ASH1L: variants seen among roughly 807,000 people sequenced by gnomAD.
ASH1L encodes the protein ASH1 like histone lysine methyltransferase.
In ASH1L, 23 loss-of-function variants were observed where a neutral mutation model predicts 269.0. The ratio of observed to expected loss-of-function variants is 0.09; its 90% confidence interval spans 0.06 to 0.12. The LOEUF is 0.12. ASH1L is among the 10% of genes least tolerant of loss of function. The pLI, the probability that ASH1L is intolerant of heterozygous loss-of-function variation, is 1.00. For missense variants in ASH1L, 2,912 were observed against 3,567.8 expected (o/e 0.82, Z 4.68); for synonymous variants, 1,187 against 1,253.5 (o/e 0.95, Z 1.12).
intron 2 of ASH1L, among the ~76,000 whole-genome samples, chr1:155,490,652 A>T (rs1368753137): frequency 6.6e-6 from 1 of 151,094 alleles, no homozygotes; most frequent in African/African-American, 2.4e-5. Context: ...ACATACACAC[A>T]CACTCTCTCT....
chr1:155,487,357 T>C (rs531452491), intron 2 of ASH1L, among the ~76,000 whole-genome samples: 4 of 152,212 alleles, frequency 2.6e-5, no homozygotes, highest in African/African-American at 7.2e-5. Context: ...GGGTTCTTAC[T>C]GGGTGCTAGC....
chr1:155,341,459 A>C (rs1308399230), intron 25 of ASH1L, among the ~76,000 whole-genome samples: 2 of 152,210 alleles, frequency 1.3e-5, no homozygotes, highest in African/African-American at 4.8e-5. Flanking sequence ...TACAGGCGTG[A>C]GCCACCGCGC....
intron 1 of ASH1L, among the ~76,000 whole-genome samples, chr1:155,550,613 G>C (rs115296511): frequency 6.6e-6 from 1 of 152,062 alleles, no homozygotes; most frequent in Non-Finnish European, 1.5e-5. Context: ...TATAATTCAG[G>C]TATCTCCTGA....
At chr1:155,473,018 T>A (rs1665225049) in intron 3 of ASH1L, among the ~76,000 whole-genome samples, 1 of 152,338 alleles carries the variant, frequency 6.6e-6, no homozygotes, top group African/African-American at 2.4e-5. Context: ...TGTTTTGTTA[T>A]TGTATGTGTT....
chr1:155,347,531 C>T, intron 20 of ASH1L, 125 bp downstream of exon 20: 1 of 1,258,510 alleles, frequency 7.9e-7, no homozygotes. Context: ...CTAACAGAAA[C>T]CAAGGCTAAG....
intron 6 of ASH1L, among the ~76,000 whole-genome samples, chr1:155,409,793 T>C (rs1659614986): frequency 1.3e-5 from 2 of 152,082 alleles, no homozygotes; most frequent in South Asian, 4.2e-4. Context: ...TAAACCTAAA[T>C]TTAATCATGA....
At chr1:155,346,753 T>C (rs970206017) in intron 20 of ASH1L, among the ~76,000 whole-genome samples, 5 of 152,234 alleles carry the variant, frequency 3.3e-5, no homozygotes, top group African/African-American at 1.2e-4. Context: ...ACTGAACTAT[T>C]ACTAAGTAAT....
chr1:155,523,049 T>A (rs1265873474), intron 1 of ASH1L, among the ~76,000 whole-genome samples: 1 of 152,190 alleles, frequency 6.6e-6, no homozygotes, highest in African/African-American at 2.4e-5. Context: ...TCTTGAAGAC[T>A]GACAGACTAG....
At chr1:155,543,382 G>A (rs1213793668) in intron 1 of ASH1L, among the ~76,000 whole-genome samples, 1 of 151,374 alleles carries the variant, frequency 6.6e-6, no homozygotes, top group Non-Finnish European at 1.5e-5. Context: ...ATGGTGGCAG[G>A]TGCCTGTCGT....
intron 4 of ASH1L, among the ~76,000 whole-genome samples, chr1:155,444,839 G>A (rs944960632): frequency 2.8e-5 from 4 of 140,820 alleles, no homozygotes; most frequent in Middle Eastern, 3.4e-3. Flanking sequence ...GGATGGTCTC[G>A]ATCTCTTGAC....
chr1:155,445,889 C>A (rs1558114920), intron 4 of ASH1L, among the ~76,000 whole-genome samples: 1 of 151,228 alleles, frequency 6.6e-6, no homozygotes. Flanking sequence ...TGTGTGTGTA[C>A]ATTTTTTATT....
chr1:155,390,787 G>A (rs6670014), intron 7 of ASH1L, among the ~76,000 whole-genome samples: 54,353 of 149,574 alleles, frequency 0.36, 10,825 homozygotes, highest in East Asian at 0.72. Context: ...CTGGGACTAC[G>A]TGCGCCCGCC....
At chr1:155,530,822 G>C (rs1410733636) in intron 1 of ASH1L, among the ~76,000 whole-genome samples, 1 of 152,076 alleles carries the variant, frequency 6.6e-6, no homozygotes, top group East Asian at 1.9e-4. Context: ...TGAGGTGGGA[G>C]GATCACCTGA....
At chr1:155,558,156 C>G (rs1671721164) in intron 1 of ASH1L, among the ~76,000 whole-genome samples, 1 of 152,158 alleles carries the variant, frequency 6.6e-6, no homozygotes, top group Non-Finnish European at 1.5e-5. Context: ...ACTATAAAGA[C>G]ACAGTACCTA....
At position 155,438,671 on chromosome 1, in the gene ASH1L, T is replaced by C. The variant is rs762030313; in HGVS notation, c.5484A>G (p.Lys1828=). Residue 1828 remains lysine (K), a synonymous_variant, in exon 5 of 28, where the codon AAA becomes AAG. Coordinates refer to ENST00000392403, the MANE Select transcript of ASH1L (RefSeq NM_018489.3). ...TTTGAAGTTTTTTGGCTTTTAAGAT[T>C]TTATTGACATGGTCTAGGTTTTTCT... ...ATKKNLDHVN[K]ILKAKKLQRQ... is the part of the protein sequence containing the mutation. 1 of 1,614,222 alleles carries C rather than the reference T, an allele frequency of 6.2e-7. No homozygotes were observed. Among genetic ancestry groups the C allele is most frequent in the East Asian group, 2.2e-5 (1 of 44,888 alleles).
chr1:155,545,252 T>A (rs911215067), intron 1 of ASH1L, among the ~76,000 whole-genome samples: 11 of 123,490 alleles, frequency 8.9e-5, no homozygotes, highest in African/African-American at 3.4e-4. Flanking sequence ...AAATAGCAAG[T>A]AATACTGATA....
At position 155,347,819 on chromosome 1, in the gene ASH1L, G is replaced by A; in HGVS notation, c.7640C>T (p.Ala2547Val). The A allele has an allele frequency of 6.2e-7, 1 of 1,614,218 alleles. No homozygotes were observed. The highest frequency in any genetic ancestry group is 8.5e-7 in the Non-Finnish European group (1 of 1,180,048). Residue 2547 changes from alanine to valine, a missense_variant, in exon 20 of 28, where the codon GCC becomes GTC. Around this residue, in one of 13 missense-constraint regions of ASH1L, gnomAD observed 309 missense variants for 435.1 expected, o/e 0.71. Transcript: ENST00000392403. ...AYYNARHEAS[A>V]QIDEIVGETA... is the part of the protein sequence containing the mutation. Reference sequence around the variant, plus strand: ...CTCTCCCACAATCTCATCAATCTGGGCTGATGCCTCATGCCGGGCATTGTA... The same window carrying A: ...CTCTCCCACAATCTCATCAATCTGGACTGATGCCTCATGCCGGGCATTGTA...
chr1:155,352,830 C>T lies in ASH1L; in HGVS notation c.7242G>A (p.Leu2414=), dbSNP rs756872959. 3.7e-6 allele frequency: 6 copies of T among 1,611,320 alleles called. No individual in the cohort carries two copies. The highest frequency in any genetic ancestry group is 1.7e-4 in the Middle Eastern group (1 of 6,052). ...SDVFMTQFSA[L]QTARSVRTRR... ...TTGTTCGAACAGATCGAGCTGTCTG[C>T]AGGGCAGAGAACTGGGTCATGAAGA... The change falls in exon 17 of 28, where the codon CTG becomes CTA. Residue 2414 remains leucine, a synonymous_variant. Coordinates refer to ENST00000392403, the MANE Select transcript of ASH1L (RefSeq NM_018489.3).
At chr1:155,515,738 G>A (rs568571730) in intron 2 of ASH1L, among the ~76,000 whole-genome samples, 8 of 149,382 alleles carry the variant, frequency 5.4e-5, no homozygotes, top group Non-Finnish European at 8.9e-5. Context: ...TGAGGCAAGA[G>A]AATTGCCTTA....
Sources: allele counts gnomAD v4.1 joint callset (sites outside exome capture counted in the v4.1 genomes callset), GRCh38; gene constraint gnomAD v4.1.1; regional missense constraint gnomAD v4.1.1; transcripts MANE v1.5; gene names NCBI Gene and HGNC (gene_info 2026-07-23, HGNC 2026-07-21).